The following E4F1 variants were observed in gnomAD, a reference collection of about 807,000 sequenced individuals.
The protein encoded by E4F1 is E4F transcription factor 1.
E4F1 carries 30 observed loss-of-function variants against 72.9 expected under a neutral mutation model. The ratio of observed to expected loss-of-function variants is 0.41; its 90% CI spans 0.31 to 0.56. E4F1 has a LOEUF of 0.56. E4F1 is among the 20% of genes least tolerant of loss of function. E4F1 has a pLI of 0.25. For missense variants in E4F1, 1,091 were observed against 1,117.5 expected, an observed-to-expected ratio of 0.98 and a Z score of 0.34; for synonymous variants, 542 against 478.2, an observed-to-expected ratio of 1.13 and a Z score of -1.74.
chr16:2,225,450 C>T (rs1455264862), intron 1 of E4F1, among the ~76,000 whole-genome samples: 1 of 150,604 alleles, frequency 6.6e-6, no homozygotes, highest in African/African-American at 2.4e-5. Context: ...GCCTGGGCAA[C>T]ATAGTAAGAC....
In E4F1 at chr16:2,233,064, G is replaced by C. The variant is rs766785583; in HGVS notation, c.937G>C (p.Glu313Gln). 1.7e-5 allele frequency: 28 copies of C among 1,611,506 alleles called. No individual in the cohort carries two copies. The Middle Eastern group carries it at 1.3e-3, about 76-fold the overall frequency. ...LGTATSSVTG[E>Q]PIETSPVIHL... ...GACAGCCACATCATCGGTGACAGGC[G>C]AGCCTATAGAGACTTCACCCGTGAT... Residue 313 changes from glutamate to glutamine, a missense_variant, in exon 7 of 14, where the codon GAG becomes CAG. By Grantham distance (29) the Glu-to-Gln change is conservative. Around this residue, in one of 5 missense-constraint regions of E4F1, gnomAD observed 101 missense variants for 97.4 expected, o/e 1.04. Coordinates refer to ENST00000301727, the MANE Select transcript of E4F1 (RefSeq NM_004424.5).
At chr16:2,229,710 AC>A (rs759574404) in intron 3 of E4F1, 35 bp downstream of exon 3, 1 of 1,606,352 alleles carries the variant, frequency 6.2e-7, no homozygotes. Context: ...GGCCTGATAG[AC>A]CTTCGTGGTT....
At chr16:2,232,434 G>T in intron 4 of E4F1, 22 bp from the exon 5 acceptor site, 1 of 1,607,726 alleles carries the variant, frequency 6.2e-7, no homozygotes, top group Non-Finnish European at 8.5e-7. Context: ...AGGGCCCTGA[G>T]CTGCCACGCC....
chr16:2,224,039 G>C, intron 1 of E4F1: 10 of 1,263,812 alleles, frequency 7.9e-6, no homozygotes, highest in Non-Finnish European at 1.0e-5. Flanking sequence ...GCCCGGTGTA[G>C]ACATTCGCAG....
rs2093487708 is a variant in E4F1 at position 2,234,215 on chromosome 16, A to G, written c.1420A>G (p.Lys474Glu). 6.2e-7 allele frequency: 1 copy of G among 1,612,612 alleles called. No homozygotes were observed. The highest frequency in any genetic ancestry group is 1.3e-5 in the African/African-American group (1 of 74,936). The change falls in exon 10 of 14, where the codon AAG becomes GAG. Residue 474 changes from lysine to glutamate, a missense_variant. Coordinates refer to ENST00000301727, the MANE Select transcript of E4F1 (RefSeq NM_004424.5). ...CGCGCAGTGTGGCAAGGCCTTCCCC[A>G]AGGCCTACCTGCTCAAGAAGCACCA... ...ACAQCGKAFP[K>E]AYLLKKHQEV...
intron 3 of E4F1, 139 bp downstream of exon 3, chr16:2,229,814 T>C (rs952924313): frequency 1.2e-6 from 1 of 854,608 alleles, no homozygotes; most frequent in Non-Finnish European, 1.8e-6. Flanking sequence ...TGGCAGCCTT[T>C]CTGCGGGCAC....
At position 2,228,520 on chromosome 16, in the gene E4F1, G is replaced by A. The variant is rs1596757851; in HGVS notation, c.306G>A (p.Gln102=). 1 of 1,612,164 alleles carries A rather than the reference G, an allele frequency of 6.2e-7. No individual in the cohort carries two copies. Among genetic ancestry groups the A allele is most frequent in the Non-Finnish European group, 8.5e-7 (1 of 1,179,510 alleles). The change falls in exon 2 of 14, where the codon CAG becomes CAA. Residue 102 remains glutamine (Q), a synonymous_variant. Coordinates refer to ENST00000301727, the MANE Select transcript of E4F1 (RefSeq NM_004424.5). Reference sequence around the variant, plus strand: ...CTGCCACCACAGCGTTGCTGGGCCAGGAGGTGAGCCCTCACCCACTCCCCC... The same window carrying A: ...CTGCCACCACAGCGTTGCTGGGCCAAGAGGTGAGCCCTCACCCACTCCCCC... The part of the protein sequence containing the change: ...ATPATTALLG[Q]EVVPAAPGPE...
intron 1 of E4F1, 36 bp from the exon 2 acceptor site, chr16:2,228,336 C>T (rs764273831): frequency 1.2e-6 from 2 of 1,612,856 alleles, no homozygotes; most frequent in South Asian, 1.1e-5. Flanking sequence ...CCAGCCTCCG[C>T]CTTCCCAGGC....
chr16:2,229,074 G>C (rs1177959282), intron 2 of E4F1, among the ~76,000 whole-genome samples: 1 of 152,250 alleles, frequency 6.6e-6, no homozygotes, highest in Non-Finnish European at 1.5e-5. Context: ...CTGGCCACCA[G>C]TGGGCCGTGG....
intron 2 of E4F1, among the ~76,000 whole-genome samples, chr16:2,229,096 C>A (rs2093449985): frequency 6.6e-6 from 1 of 152,246 alleles, no homozygotes; most frequent in African/African-American, 2.4e-5. Flanking sequence ...CCAGATGATG[C>A]TGGACCCTGG....
rs766928474 is a variant in E4F1 at position 2,224,879 on chromosome 16, TC to T, written c.157+1111del. Among the ~76,000 whole-genome samples, 15 of 152,054 alleles carry T rather than the reference TC, an allele frequency of 9.9e-5. No individual in the cohort carries two copies. The East Asian group carries it at 2.5e-3, about 26-fold the overall frequency. ...GAAGGCCTTCACAGCCCCTTTAACTTCCGGGCTCTGCTGCCTCATAGAAGCA... is the reference window on the plus strand; with the variant it reads ...GAAGGCCTTCACAGCCCCTTTAACTTCGGGCTCTGCTGCCTCATAGAAGCA... On this transcript the variant is annotated intron_variant, in intron 1 of 13. Transcript: ENST00000301727.
chr16:2,233,892 G>T lies in E4F1; in HGVS notation c.1277G>T (p.Ser426Ile), dbSNP rs1032338988. The T allele has an allele frequency of 8.2e-6, 13 of 1,595,040 alleles. No individual in the cohort carries two copies. The highest frequency in any genetic ancestry group is 1.1e-5 in the Non-Finnish European group (13 of 1,171,348). The change falls in exon 9 of 14, where the codon AGC (serine) becomes ATC (isoleucine). Residue 426 changes from serine (S) to isoleucine (I), a missense_variant. By Grantham distance (142) the Ser-to-Ile change is moderately radical (BLOSUM62 -2). Transcript: ENST00000301727. The stretch of plus-strand genomic sequence containing the variant: ...CCTGTGGTTCCCCAGCAGGTGGCCA[G>T]CGAGGCCTCAGCGGTGCCCAGGACC... ...EVQPLETQVA[S>I]EASAVPRTHP...
rs776165877 is a variant in E4F1, at chr16:2,229,592, C to G, written c.332C>G (p.Pro111Arg). The G allele has an allele frequency of 1.9e-6, 3 of 1,612,142 alleles. No homozygotes were observed. Among genetic ancestry groups the G allele is most frequent in the Admixed American group, 3.3e-5 (2 of 60,036 alleles). The change falls in exon 3 of 14, where the codon CCA becomes CGA. Residue 111 changes from proline to arginine, a missense_variant. Pro to Arg is a moderately radical substitution (Grantham distance 103). Around this residue, in one of 5 missense-constraint regions of E4F1, gnomAD observed 362 missense variants for 358.6 expected, o/e 1.01. Coordinates refer to ENST00000301727, the MANE Select transcript of E4F1 (RefSeq NM_004424.5). The part of the protein sequence containing the change: ...GQEVVPAAPG[P>R]EEPITVAHIV... Reference sequence around the variant, plus strand: ...CAGGTGGTGCCGGCAGCACCAGGCCCAGAGGAGCCCATCACTGTGGCCCAC... The same window carrying G: ...CAGGTGGTGCCGGCAGCACCAGGCCGAGAGGAGCCCATCACTGTGGCCCAC...
chr16:2,227,107 C>T (rs1263272591), intron 1 of E4F1, among the ~76,000 whole-genome samples: 2 of 152,176 alleles, frequency 1.3e-5, no homozygotes, highest in Non-Finnish European at 2.9e-5. Flanking sequence ...GTGGTGTGAT[C>T]ATGGCTTACT....
At position 2,234,567 on chromosome 16, in the gene E4F1, A is replaced by G; in HGVS notation, c.1594-16A>G. ...TGTGGCCAAGGCCAGGCTGGCACTG[A>G]CAGGTGTCTCCACAGAACGCACAGC... On this transcript the variant is annotated splice_polypyrimidine_tract_variant and intron_variant, in intron 10 of 13. Transcript: ENST00000301727. 1.3e-6 allele frequency: 2 copies of G among 1,568,690 alleles called. No individual in the cohort carries two copies. Among genetic ancestry groups the G allele is most frequent in the Non-Finnish European group, 1.7e-6 (2 of 1,156,298 alleles).
chr16:2,233,338 C>G, intron 7 of E4F1, 100 bp from the exon 8 acceptor site: 1 of 1,425,754 alleles, frequency 7.0e-7, no homozygotes, highest in South Asian at 1.4e-5. Context: ...CCATGGGGGT[C>G]TGAGGGTTTG....
chr16:2,234,207 C>G lies in E4F1; in HGVS notation c.1412C>G (p.Ala471Gly). 1 of 1,612,644 alleles carries G rather than the reference C, an allele frequency of 6.2e-7. No individual in the cohort carries two copies. The highest frequency in any genetic ancestry group is 8.5e-7 in the Non-Finnish European group (1 of 1,179,914). The change falls in exon 10 of 14, where the codon GCC becomes GGC. Residue 471 changes from alanine (A) to glycine (G), a missense_variant. Transcript: ENST00000301727. Reference sequence around the variant, plus strand: ...TTCGCCTGCGCGCAGTGTGGCAAGGCCTTCCCCAAGGCCTACCTGCTCAAG... The same window carrying G: ...TTCGCCTGCGCGCAGTGTGGCAAGGGCTTCCCCAAGGCCTACCTGCTCAAG... Reference protein sequence around the residue: ...RPFACAQCGKAFPKAYLLKKH... With the variant: ...RPFACAQCGKGFPKAYLLKKH...
intron 3 of E4F1, 197 bp from the exon 4 acceptor site, chr16:2,231,974 G>T (rs2093470213): frequency 3.1e-6 from 2 of 652,388 alleles, no homozygotes; most frequent in African/African-American, 3.6e-5. Flanking sequence ...GTCGGGAGGT[G>T]TCTCTCCACC....
chr16:2,223,733 C>G lies in E4F1; in HGVS notation c.120C>G (p.Ser40Arg). 6.5e-7 allele frequency: 1 copy of G among 1,538,272 alleles called. No homozygotes were observed. Among genetic ancestry groups the G allele is most frequent in the Non-Finnish European group, 8.7e-7 (1 of 1,153,954 alleles). ...VAAVAAALAP[S>R]GFLGLPAPFS... is the part of the protein sequence containing the mutation. ...CGGTGGCGGCGGCCTTGGCCCCCAG[C>G]GGCTTCCTCGGCCTCCCGGCGCCCT... Residue 40 changes from serine (S) to arginine (R), a missense_variant, in exon 1 of 14, where the codon AGC (serine) becomes AGG (arginine). Ser to Arg is a moderately radical substitution (Grantham distance 110). This residue lies in a region of E4F1 where 362 missense variants were observed against 358.6 expected (regional missense o/e 1.01). Coordinates refer to ENST00000301727, the MANE Select transcript of E4F1 (RefSeq NM_004424.5).
Sources: gnomAD v4.1 joint callset for allele counts (sites outside exome capture counted in the v4.1 genomes callset) on GRCh38, gnomAD v4.1.1 for gene constraint, gnomAD v4.1.1 regional missense constraint, MANE v1.5 for transcripts, NCBI Gene and HGNC (gene_info 2026-07-23, HGNC 2026-07-21) for gene names.